The following SANBR variants were observed in gnomAD, a reference collection of about 807,000 sequenced individuals.
SANBR encodes the protein SANT and BTB domain regulator of class switch recombination.
Under a neutral mutation model 101.8 loss-of-function variants are expected in SANBR, and 77 were observed. The observed-to-expected ratio is 0.76, with a 90% CI of 0.63 to 0.91. The LOEUF (loss-of-function observed/expected upper bound fraction) is 0.91. Ranked by LOEUF, SANBR falls within the 40% of genes least tolerant of loss-of-function variation. SANBR has a pLI of 0.00. For missense variants in SANBR, 875 were observed against 853.0 expected (o/e 1.03, Z -0.32); for synonymous variants, 279 against 274.7 (o/e 1.02, Z -0.15).
intron 6 of SANBR, among the ~76,000 whole-genome samples, chr2:61,078,385 T>C (rs1311206439): frequency 6.6e-6 from 1 of 152,100 alleles, no homozygotes; most frequent in Non-Finnish European, 1.5e-5. Flanking sequence ...AAGTCAGACA[T>C]TGAAGAGATT....
Position 61,119,533 on chromosome 2 carries a change from A to C in SANBR, c.2028+1417A>C, listed in dbSNP as rs532610051. Reference sequence around the variant, plus strand: ...CTCAAAACTCAATAATAAAATTTAAAAACCTAATAAAAATAAATGGGCAAA... The same window carrying C: ...CTCAAAACTCAATAATAAAATTTAACAACCTAATAAAAATAAATGGGCAAA... On this transcript the variant is annotated intron_variant, in intron 20 of 21. Transcript: ENST00000402291. Among the ~76,000 whole-genome samples the C allele has an allele frequency of 5.3e-5, 8 of 152,328 alleles. No individual in the cohort carries two copies. In the South Asian group the frequency reaches 1.7e-3, roughly 32 times the overall value.
chr2:61,106,503 T>G, intron 13 of SANBR, 60 bp from the exon 14 acceptor site: 3 of 1,143,150 alleles, frequency 2.6e-6, no homozygotes, highest in Non-Finnish European at 3.9e-6. Context: ...AAAAAGATAT[T>G]CACATTTAAA....
chr2:61,067,172 T>TG (rs1180007823), intron 1 of SANBR, among the ~76,000 whole-genome samples: 5 of 152,330 alleles, frequency 3.3e-5, no homozygotes, highest in East Asian at 1.9e-4. Flanking sequence ...GAATTAATGC[T>TG]GGGGGGTCTT....
intron 10 of SANBR, among the ~76,000 whole-genome samples, chr2:61,091,942 G>A (rs1200428057): frequency 6.6e-6 from 1 of 152,088 alleles, no homozygotes; most frequent in African/African-American, 2.4e-5. Flanking sequence ...TGAAAATAGT[G>A]TAAAATACTA....
chr2:61,104,897 C>T (rs941043589), intron 13 of SANBR, among the ~76,000 whole-genome samples: 5 of 149,566 alleles, frequency 3.3e-5, no homozygotes, highest in Non-Finnish European at 5.9e-5. Flanking sequence ...GGTGAAACCC[C>T]ATGATCATTG....
At position 61,115,982 on chromosome 2, in the gene SANBR, A is replaced by T. The variant is rs1450248418; in HGVS notation, c.1748A>T (p.Lys583Ile). The change falls in exon 17 of 22, where the codon AAA becomes ATA. Residue 583 changes from lysine (K) to isoleucine (I), a missense_variant. Lys to Ile is a moderately radical substitution (Grantham distance 102, BLOSUM62 -3). Coordinates refer to ENST00000402291, the MANE Select transcript of SANBR (RefSeq NM_001129993.3). ...AACATTGTCTTCTCATTATCAGGGAAAAAGGAGAAGCCAAAGAAGTTCACT... is the reference window on the plus strand; with the variant it reads ...AACATTGTCTTCTCATTATCAGGGATAAAGGAGAAGCCAAAGAAGTTCACT... ...DEEEVSKKQR[K>I]KEKPKKFTRQ... The T allele has an allele frequency of 6.2e-7, 1 of 1,605,874 alleles. No individual in the cohort carries two copies. Among genetic ancestry groups the T allele is most frequent in the South Asian group, 1.1e-5 (1 of 89,988 alleles).
At chr2:61,086,966 G>C (rs1271596809) in intron 8 of SANBR, among the ~76,000 whole-genome samples, 1 of 152,140 alleles carries the variant, frequency 6.6e-6, no homozygotes, top group Non-Finnish European at 1.5e-5. Flanking sequence ...AGGAAAGATG[G>C]AGACAGGTAG....
chr2:61,076,680 T>C (rs1354901030), intron 5 of SANBR, among the ~76,000 whole-genome samples: 4 of 151,364 alleles, frequency 2.6e-5, no homozygotes, highest in Non-Finnish European at 5.9e-5. Context: ...ACTGTGTAAA[T>C]TATTTGTCCT....
At position 61,123,881 on chromosome 2, in the gene SANBR, C is replaced by G; in HGVS notation, c.*1719C>G. On this transcript the variant is annotated 3_prime_UTR_variant, in exon 22 of 22. Coordinates refer to ENST00000402291, the MANE Select transcript of SANBR (RefSeq NM_001129993.3). The stretch of plus-strand genomic sequence containing the variant: ...CCGAGGCGGGCAGATCACCTGAGGT[C>G]AGGAGTTTGAGACCAGCCTGGCCAA... 1.3e-6 allele frequency: 1 copy of G among 744,120 alleles called. No individual in the cohort carries two copies. 46.1% of individuals were successfully genotyped at this position (744,120 alleles called of 1,614,324 possible).
intron 6 of SANBR, 27 bp downstream of exon 6, chr2:61,077,185 G>A: frequency 6.6e-7 from 1 of 1,514,370 alleles, no homozygotes; most frequent in Non-Finnish European, 9.1e-7. Flanking sequence ...TGCTTAATTT[G>A]TAGTGAAATT....
At chr2:61,117,431 G>A in intron 18 of SANBR, 36 bp from the exon 19 acceptor site, 3 of 1,612,558 alleles carry the variant, frequency 1.9e-6, no homozygotes, top group Non-Finnish European at 2.5e-6. Context: ...TCTTAAAGAA[G>A]CATCAATGCT....
chr2:61,114,299 G>A (rs982517577), intron 16 of SANBR, among the ~76,000 whole-genome samples: 7 of 152,096 alleles, frequency 4.6e-5, no homozygotes, highest in African/African-American at 1.4e-4. Flanking sequence ...CACATTAAAC[G>A]ACAAAAGTCT....
chr2:61,083,151 T>C lies in SANBR; in HGVS notation c.730-3T>C, dbSNP rs188869790. ...TCGACATTTATTTTCTATGATTTTT[T>C]AGGTTGAACAGTGTATTCAGTATTG... On this transcript the variant is annotated splice_polypyrimidine_tract_variant and splice_region_variant and intron_variant, in intron 7 of 21. Transcript: ENST00000402291. The C allele has an allele frequency of 2.5e-6, 4 of 1,597,256 alleles. No individual in the cohort carries two copies. The highest frequency in any genetic ancestry group is 3.4e-6 in the Non-Finnish European group (4 of 1,169,736).
intron 21 of SANBR, chr2:61,134,400 T>G: frequency 1.1e-6 from 1 of 909,870 alleles, no homozygotes; most frequent in Non-Finnish European, 1.6e-6. Flanking sequence ...GATGGTTGCC[T>G]TTTGTTTGCT....
In SANBR at chr2:61,076,907, C is replaced by T. The variant is rs1573592796; in HGVS notation, c.432-13C>T. ...CTCTAATAATTTCATTTTTGTGTAACATTTTTATGAAGGCCAAACATGGTG... is the reference window on the plus strand; with the variant it reads ...CTCTAATAATTTCATTTTTGTGTAATATTTTTATGAAGGCCAAACATGGTG... On this transcript the variant is annotated splice_polypyrimidine_tract_variant and intron_variant, in intron 5 of 21. Transcript: ENST00000402291. 4 of 1,575,238 alleles carry T rather than the reference C, an allele frequency of 2.5e-6. No homozygotes were observed. Among genetic ancestry groups the T allele is most frequent in the Non-Finnish European group, 3.5e-6 (4 of 1,150,514 alleles).
intron 20 of SANBR, among the ~76,000 whole-genome samples, chr2:61,119,025 G>GT (rs1684213288): frequency 6.6e-6 from 1 of 152,112 alleles, no homozygotes; most frequent in South Asian, 2.1e-4. Flanking sequence ...TTAACTGTGC[G>GT]TTGTTGACCA....
At chr2:61,095,183 A>C (rs904711899) in intron 11 of SANBR, among the ~76,000 whole-genome samples, 1 of 152,202 alleles carries the variant, frequency 6.6e-6, no homozygotes, top group Non-Finnish European at 1.5e-5. Context: ...AATCAAGGAT[A>C]TCAAGCTTCT....
At chr2:61,124,934 G>A (rs972779846), downstream of SANBR, among the ~76,000 whole-genome samples, 2 of 151,544 alleles carry the variant, frequency 1.3e-5, no homozygotes, top group African/African-American at 2.4e-5. Flanking sequence ...CTAAAGGCAC[G>A]TTATAATATA....
chr2:61,107,949 A>G (rs1013716001), intron 14 of SANBR, among the ~76,000 whole-genome samples: 13 of 152,132 alleles, frequency 8.5e-5, no homozygotes, highest in African/African-American at 3.1e-4. Context: ...AACAAACTAG[A>G]TTTATTGAAT....
Sources: allele counts gnomAD v4.1 joint callset (sites outside exome capture counted in the v4.1 genomes callset), GRCh38; gene constraint gnomAD v4.1.1; transcripts MANE v1.5; gene names NCBI Gene and HGNC (gene_info 2026-07-23, HGNC 2026-07-21).